Variants in FSTL4 observed in about 807,000 individuals in gnomAD.
The protein encoded by FSTL4 is follistatin like 4, also known as follistatin-related protein 4.
FSTL4 carries 28 observed loss-of-function variants against 78.2 expected under a neutral mutation model. The ratio of observed to expected loss-of-function variants is 0.36; its 90% CI spans 0.27 to 0.49. FSTL4 has a LOEUF of 0.49. FSTL4 is among the 20% of genes least tolerant of loss of function. The probability of loss-of-function intolerance (pLI) is 0.98; values close to 1 mark genes in which losing one functional copy is unlikely to be tolerated. For missense variants in FSTL4, 922 were observed against 1,084.9 expected (o/e 0.85, Z 2.11); for synonymous variants, 422 against 440.5 (o/e 0.96, Z 0.53).
At chr5:133,529,465 TG>T (rs1240889924) in intron 3 of FSTL4, among the ~76,000 whole-genome samples, 1 of 152,188 alleles carries the variant, frequency 6.6e-6, no homozygotes, top group African/African-American at 2.4e-5. Context: ...CCTGGTACAT[TG>T]CAGGCTCCCA....
the FSTL4 span, among the ~76,000 whole-genome samples, chr5:133,768,608 T>C: frequency 6.6e-6 from 1 of 152,170 alleles, no homozygotes; most frequent in Admixed American, 6.5e-5. Flanking sequence ...CACCTGCCAT[T>C]GCTTCAGGCA....
intron 6 of FSTL4, among the ~76,000 whole-genome samples, chr5:133,303,180 T>C (rs1397486980): frequency 6.6e-6 from 1 of 152,208 alleles, no homozygotes; most frequent in Non-Finnish European, 1.5e-5. Flanking sequence ...ACTCTCCTGC[T>C]CTCAGCCTGC....
At chr5:133,609,736 C>T (rs1228678026) in intron 1 of FSTL4, among the ~76,000 whole-genome samples, 1 of 152,188 alleles carries the variant, frequency 6.6e-6, no homozygotes, top group African/African-American at 2.4e-5. Context: ...AATCTCTATT[C>T]CTATTTACTC....
intron 3 of FSTL4, among the ~76,000 whole-genome samples, chr5:133,505,065 C>T (rs1758584672): frequency 1.3e-5 from 2 of 152,040 alleles, no homozygotes; most frequent in South Asian, 4.2e-4. Context: ...AACCTCAGGT[C>T]ATAGAATAGA....
intron 6 of FSTL4, among the ~76,000 whole-genome samples, chr5:133,288,576 A>C (rs1323478806): frequency 1.3e-5 from 2 of 152,264 alleles, no homozygotes; most frequent in Non-Finnish European, 2.9e-5. Context: ...CACAATGCTC[A>C]GAGCCCCCAG....
At chr5:133,209,615 T>C (rs528956664) in intron 14 of FSTL4, among the ~76,000 whole-genome samples, 88 of 152,250 alleles carry the variant, frequency 5.8e-4, no homozygotes, top group Non-Finnish European at 1.2e-3. Flanking sequence ...GCTATTGACC[T>C]TTCTTGGCTG....
chr5:133,812,181 C>A, the FSTL4 span, among the ~76,000 whole-genome samples: 1 of 152,198 alleles, frequency 6.6e-6, no homozygotes, highest in African/African-American at 2.4e-5. Flanking sequence ...CTTTCCACTT[C>A]CACTGCGTCA....
chr5:133,541,710 G>A (rs972534781), intron 3 of FSTL4, among the ~76,000 whole-genome samples: 2 of 151,984 alleles, frequency 1.3e-5, no homozygotes, highest in African/African-American at 4.8e-5. Context: ...CTATTGTATC[G>A]TTTTGACAAG....
rs1750162702 is a variant in FSTL4 at position 133,196,937 on chromosome 5, A to T, written c.*2158T>A. Reference sequence around the variant, plus strand: ...TAAGCCTGCCGTCTCCAGGAAATGCACTCTGAGGACAGCAAAGGGCAGCTA... The same window carrying T: ...TAAGCCTGCCGTCTCCAGGAAATGCTCTCTGAGGACAGCAAAGGGCAGCTA... On this transcript the variant is annotated 3_prime_UTR_variant, in exon 16 of 16. Transcript: ENST00000265342. 6.6e-6 allele frequency: 1 copy of T among 152,208 alleles called. No homozygotes were observed. Among genetic ancestry groups the T allele is most frequent in the South Asian group, 2.1e-4 (1 of 4,830 alleles). The allele number at this position is 152,208 out of a possible 1,614,324, so 9.4% of individuals were successfully genotyped here. A position where few individuals can be genotyped will look rare whatever the true frequency, so the allele number is the denominator to read the frequency against.
chr5:133,298,570 C>T (rs1400622399), intron 6 of FSTL4, among the ~76,000 whole-genome samples: 1 of 152,244 alleles, frequency 6.6e-6, no homozygotes, highest in Non-Finnish European at 1.5e-5. Flanking sequence ...TGTGTTGCTT[C>T]AATTTGGGGC....
At chr5:133,354,244 G>T (rs969666175) in intron 4 of FSTL4, among the ~76,000 whole-genome samples, 1 of 152,220 alleles carries the variant, frequency 6.6e-6, no homozygotes, top group African/African-American at 2.4e-5. Flanking sequence ...GCCTTACCAG[G>T]GTGGAAAGAG....
chr5:133,721,330 A>G, the FSTL4 span, among the ~76,000 whole-genome samples: 11 of 152,202 alleles, frequency 7.2e-5, no homozygotes, highest in Non-Finnish European at 1.6e-4. Context: ...CAGCGGTATT[A>G]TAGTTTTCTG....
chr5:133,814,326 C>G, the FSTL4 span, among the ~76,000 whole-genome samples: 1 of 152,206 alleles, frequency 6.6e-6, no homozygotes, highest in African/African-American at 2.4e-5. Flanking sequence ...GAAAAGCCGT[C>G]TTCCAGTGCT....
At chr5:133,790,079 C>T in the FSTL4 span, among the ~76,000 whole-genome samples, 1 of 152,322 alleles carries the variant, frequency 6.6e-6, no homozygotes, top group South Asian at 2.1e-4. Context: ...TCCGCCTCTC[C>T]CTCCCCAGTA....
At chr5:133,804,984 C>T in the FSTL4 span, among the ~76,000 whole-genome samples, 2 of 151,608 alleles carry the variant, frequency 1.3e-5, no homozygotes, top group African/African-American at 4.9e-5. Context: ...ATGTTGGGAC[C>T]CTCTTCACAG....
At chr5:133,810,899 C>T in the FSTL4 span, among the ~76,000 whole-genome samples, 1 of 152,348 alleles carries the variant, frequency 6.6e-6, no homozygotes, top group East Asian at 1.9e-4. Flanking sequence ...TGCTGGCATT[C>T]ACCTGCGCAA....
At chr5:133,494,813 C>G (rs1758338230) in intron 3 of FSTL4, among the ~76,000 whole-genome samples, 3 of 152,240 alleles carry the variant, frequency 2.0e-5, no homozygotes, top group Admixed American at 2.0e-4. Context: ...GAGACTCTCA[C>G]CTTGAGCACA....
At chr5:133,304,347 G>T (rs867340542) in intron 6 of FSTL4, among the ~76,000 whole-genome samples, 14 of 152,056 alleles carry the variant, frequency 9.2e-5, no homozygotes, top group Middle Eastern at 3.2e-3. Flanking sequence ...ATGATGTCAG[G>T]CTGGGCTGTG....
At chr5:133,238,635 G>A (rs145149279) in intron 7 of FSTL4, among the ~76,000 whole-genome samples, 40 of 152,140 alleles carry the variant, frequency 2.6e-4, no homozygotes, top group Non-Finnish European at 5.4e-4. Context: ...CAGTACATGC[G>A]AGTGTGCACA....
Sources: gnomAD v4.1 joint callset for allele counts (sites outside exome capture counted in the v4.1 genomes callset) on GRCh38, gnomAD v4.1.1 for gene constraint, MANE v1.5 for transcripts, NCBI Gene and HGNC (gene_info 2026-07-23, HGNC 2026-07-21) for gene names.